Variants in ZFAT observed in about 807,000 individuals in gnomAD.
ZFAT encodes the protein zinc finger protein ZFAT.
Under a neutral mutation model 117.7 loss-of-function variants are expected in ZFAT, and 64 were observed. The ratio of observed to expected loss-of-function variants is 0.54; its 90% CI spans 0.44 to 0.67. The LOEUF is 0.67. Among genes scored for constraint, ZFAT ranks in the 30% least tolerant of loss-of-function variants. The pLI, the probability that ZFAT is intolerant of heterozygous loss-of-function variation, is 0.00. For missense variants in ZFAT, 1,433 were observed against 1,584.5 expected (o/e 0.90, Z 1.62); for synonymous variants, 679 against 615.0 (o/e 1.10, Z -1.54).
chr8:134,708,918 C>A (rs1445395243), intron 1 of ZFAT, among the ~76,000 whole-genome samples: 2 of 152,172 alleles, frequency 1.3e-5, no homozygotes, highest in African/African-American at 4.8e-5. Flanking sequence ...CACCATTGTG[C>A]TCCAGACTGG....
At chr8:134,822,373 T>A in the ZFAT span, among the ~76,000 whole-genome samples, 1 of 152,020 alleles carries the variant, frequency 6.6e-6, no homozygotes, top group Non-Finnish European at 1.5e-5. Context: ...GCTTCCAAAT[T>A]CCCATATGTT....
At chr8:134,683,833 C>A (rs1180805897) in intron 1 of ZFAT, among the ~76,000 whole-genome samples, 1 of 152,086 alleles carries the variant, frequency 6.6e-6, no homozygotes, top group Non-Finnish European at 1.5e-5. Flanking sequence ...AGCTGCCTCC[C>A]AGGTCTAGTC....
At chr8:134,772,055 C>T in the ZFAT span, among the ~76,000 whole-genome samples, 9 of 152,146 alleles carry the variant, frequency 5.9e-5, no homozygotes, top group Admixed American at 3.9e-4. Flanking sequence ...TCCCACAACA[C>T]GTGGGAATTC....
At chr8:134,576,276 T>C (rs908458758) in intron 10 of ZFAT, among the ~76,000 whole-genome samples, 7 of 152,358 alleles carry the variant, frequency 4.6e-5, no homozygotes, top group East Asian at 3.9e-4. Context: ...TTGTGGTTTA[T>C]AAAAACCTGA....
intron 2 of ZFAT, among the ~76,000 whole-genome samples, chr8:134,640,695 C>G (rs760889966): frequency 2.0e-5 from 3 of 152,174 alleles, no homozygotes; most frequent in Non-Finnish European, 4.4e-5. Flanking sequence ...TGGAAAACCT[C>G]AAACACGATG....
chr8:134,817,613 T>C, the ZFAT span, among the ~76,000 whole-genome samples: 1 of 152,200 alleles, frequency 6.6e-6, no homozygotes, highest in Non-Finnish European at 1.5e-5. Flanking sequence ...AATTTTAAAA[T>C]GTCAATTCTT....
intron 11 of ZFAT, among the ~76,000 whole-genome samples, chr8:134,536,996 C>G (rs1821890180): frequency 6.6e-6 from 1 of 152,152 alleles, no homozygotes; most frequent in Non-Finnish European, 1.5e-5. Context: ...AGACAGGGAG[C>G]CCATTAGCAT....
intron 11 of ZFAT, 104 bp from the exon 12 acceptor site, chr8:134,533,076 A>G: frequency 6.9e-7 from 1 of 1,459,268 alleles, no homozygotes; most frequent in Middle Eastern, 2.1e-4. Flanking sequence ...GCCTGAGATG[A>G]GCAGGCCCCA....
At chr8:134,665,286 G>A (rs1355412190) in intron 1 of ZFAT, among the ~76,000 whole-genome samples, 3 of 152,220 alleles carry the variant, frequency 2.0e-5, no homozygotes, top group Non-Finnish European at 4.4e-5. Context: ...AGATGGAGTT[G>A]GCCTACTCTG....
chr8:134,585,028 T>C (rs1402926573), intron 9 of ZFAT, among the ~76,000 whole-genome samples: 1 of 152,194 alleles, frequency 6.6e-6, no homozygotes, highest in Non-Finnish European at 1.5e-5. Context: ...TTTCTAGAGA[T>C]GAAGTAATAA....
intron 11 of ZFAT, chr8:134,565,036 C>A: frequency 1.5e-6 from 2 of 1,367,164 alleles, no homozygotes; most frequent in East Asian, 4.0e-5. Flanking sequence ...CTAAAGCCTG[C>A]AAGCCTTCCT....
intron 15 of ZFAT, among the ~76,000 whole-genome samples, chr8:134,490,734 G>T (rs138470270): frequency 6.6e-6 from 1 of 152,320 alleles, no homozygotes; most frequent in Non-Finnish European, 1.5e-5. Flanking sequence ...ATTAACAGGA[G>T]AGTCTGCCCT....
At chr8:134,738,968 C>T in the ZFAT span, among the ~76,000 whole-genome samples, 1 of 152,316 alleles carries the variant, frequency 6.6e-6, no homozygotes, top group African/African-American at 2.4e-5. Flanking sequence ...ACAGCTGAGG[C>T]TGCTGAGAGT....
chr8:134,538,549 G>A (rs948286255), intron 11 of ZFAT, among the ~76,000 whole-genome samples: 26 of 152,176 alleles, frequency 1.7e-4, no homozygotes, highest in Non-Finnish European at 3.2e-4. Context: ...TGTAATCCCA[G>A]TATTTTGGGA....
chr8:134,768,135 C>T, the ZFAT span, among the ~76,000 whole-genome samples: 2 of 152,224 alleles, frequency 1.3e-5, no homozygotes, highest in Non-Finnish European at 1.5e-5. Context: ...TGGCAACCCT[C>T]TGTTGAACAA....
chr8:134,769,363 C>G, the ZFAT span, among the ~76,000 whole-genome samples: 1 of 152,124 alleles, frequency 6.6e-6, no homozygotes, highest in Non-Finnish European at 1.5e-5. Context: ...GGCTACAGGC[C>G]CCATGCAAGT....
chr8:134,705,719 A>C (rs1418593336), intron 1 of ZFAT, among the ~76,000 whole-genome samples: 2 of 150,566 alleles, frequency 1.3e-5, no homozygotes, highest in Non-Finnish European at 3.0e-5. Flanking sequence ...TCTAAGTTTC[A>C]GTAGAGACAG....
intron 15 of ZFAT, among the ~76,000 whole-genome samples, chr8:134,484,651 A>C (rs1380127671): frequency 6.6e-6 from 1 of 152,220 alleles, no homozygotes; most frequent in Admixed American, 6.5e-5. Flanking sequence ...AAAATTCCCC[A>C]GTCTGCATGA....
At chr8:134,608,165 G>T (rs1286479427) in intron 5 of ZFAT, among the ~76,000 whole-genome samples, 1 of 152,166 alleles carries the variant, frequency 6.6e-6, no homozygotes, top group African/African-American at 2.4e-5. Flanking sequence ...GTTGAAAACA[G>T]TACTTTTGGT....
Sources: allele counts gnomAD v4.1 joint callset (sites outside exome capture counted in the v4.1 genomes callset), GRCh38; gene constraint gnomAD v4.1.1; transcripts MANE v1.5; gene names NCBI Gene and HGNC (gene_info 2026-07-23, HGNC 2026-07-21).